The following EIF4G3 variants were observed in gnomAD, a reference collection of about 807,000 sequenced individuals.
EIF4G3 encodes the protein eukaryotic translation initiation factor 4 gamma 3.
In EIF4G3, 34 loss-of-function variants were observed where a neutral mutation model predicts 186.4. The observed-to-expected ratio is 0.18, with a 90% CI of 0.14 to 0.24. The LOEUF (loss-of-function observed/expected upper bound fraction) is 0.24, where lower values mean the gene tolerates loss of function less well. EIF4G3 is among the 10% of genes least tolerant of loss of function. The pLI, the probability that EIF4G3 is intolerant of heterozygous loss-of-function variation, is 1.00. For synonymous variants in EIF4G3, 673 were observed against 679.5 expected (o/e 0.99, Z 0.15); for missense variants, 1,536 against 1,948.5 (o/e 0.79, Z 3.99).
chr1:21,156,236 T>C (rs1269821491), intron 2 of EIF4G3, among the ~76,000 whole-genome samples: 1 of 152,114 alleles, frequency 6.6e-6, no homozygotes, highest in East Asian at 1.9e-4. Flanking sequence ...TCAGTGGGAA[T>C]CTATTCTGGA....
chr1:20,891,006 T>C (rs966777521), intron 18 of EIF4G3, among the ~76,000 whole-genome samples: 9 of 152,216 alleles, frequency 5.9e-5, no homozygotes, highest in African/African-American at 2.2e-4. Flanking sequence ...TTAAAGTTGA[T>C]CTTTTTGGAG....
intron 13 of EIF4G3, among the ~76,000 whole-genome samples, chr1:20,946,517 C>G (rs767924319): frequency 6.6e-6 from 1 of 152,134 alleles, no homozygotes; most frequent in Non-Finnish European, 1.5e-5. Flanking sequence ...GAACCTTGGC[C>G]TTCATGTAAA....
At chr1:21,123,730 A>C (rs1054841497) in intron 2 of EIF4G3, among the ~76,000 whole-genome samples, 3 of 152,184 alleles carry the variant, frequency 2.0e-5, no homozygotes, top group African/African-American at 7.2e-5. Context: ...AAACAAACTT[A>C]TCTGCAGAGT....
chr1:21,053,617 C>T (rs2094405713), intron 3 of EIF4G3, among the ~76,000 whole-genome samples: 1 of 142,754 alleles, frequency 7.0e-6, no homozygotes, highest in South Asian at 2.1e-4. Context: ...CCCGCCCGGC[C>T]ACCCGCCCCG....
intron 2 of EIF4G3, among the ~76,000 whole-genome samples, chr1:21,158,779 T>C (rs1004583735): frequency 5.9e-5 from 9 of 152,110 alleles, no homozygotes; most frequent in African/African-American, 2.2e-4. Context: ...TAGGTGTTCA[T>C]CCATGGGTTC....
chr1:20,905,827 G>T lies in EIF4G3; in HGVS notation c.1664-856C>A, dbSNP rs192826123. On this transcript the variant is annotated intron_variant, in intron 14 of 36. Coordinates refer to ENST00000602326, the MANE Select transcript of EIF4G3 (RefSeq NM_001391906.1). ...GAACAAGGAGAAGAGTTAAAGAAAG[G>T]CCACTTAATAGGGAACATTACCAAA... 1.3e-4 allele frequency among the ~76,000 whole-genome samples: 20 copies of T among 152,234 alleles called. No homozygotes were observed. The South Asian group carries it at 1.5e-3, about 11-fold the overall frequency.
intron 2 of EIF4G3, among the ~76,000 whole-genome samples, chr1:21,125,719 G>A (rs953266379): frequency 2.0e-5 from 3 of 148,470 alleles, no homozygotes; most frequent in Non-Finnish European, 3.0e-5. Context: ...ACTCTGTATC[G>A]AAAATAAATA....
intron 2 of EIF4G3, among the ~76,000 whole-genome samples, chr1:21,116,905 T>C (rs1041167224): frequency 6.6e-6 from 1 of 151,998 alleles, no homozygotes; most frequent in Admixed American, 6.6e-5. Flanking sequence ...GTTATATTAT[T>C]TTTATAATTT....
intron 3 of EIF4G3, among the ~76,000 whole-genome samples, chr1:21,053,853 T>G: frequency 7.1e-6 from 1 of 141,658 alleles, no homozygotes; most frequent in Non-Finnish European, 1.5e-5. Flanking sequence ...GGTGGGGGGG[T>G]CAGCCCCCCG....
chr1:21,027,431 C>G (rs948634302), intron 4 of EIF4G3, among the ~76,000 whole-genome samples: 1 of 151,842 alleles, frequency 6.6e-6, no homozygotes, highest in Non-Finnish European at 1.5e-5. Flanking sequence ...GAGTTCGAGA[C>G]CATCCTGGCT....
intron 12 of EIF4G3, among the ~76,000 whole-genome samples, chr1:20,954,033 A>G (rs569991251): frequency 4.6e-5 from 7 of 152,326 alleles, no homozygotes; most frequent in Admixed American, 2.6e-4. Flanking sequence ...TAGAGAAAAT[A>G]TTTGCTGACC....
At chr1:21,053,098 GCGTCTCT>G (rs1397571520) in intron 3 of EIF4G3, among the ~76,000 whole-genome samples, 1 of 151,152 alleles carries the variant, frequency 6.6e-6, no homozygotes, top group African/African-American at 2.4e-5. Flanking sequence ...AAAGTGAGGA[GCGTCTCT>G]GCCCGGCCGC....
intron 3 of EIF4G3, among the ~76,000 whole-genome samples, chr1:21,072,552 T>C (rs2095475770): frequency 6.6e-6 from 1 of 152,138 alleles, no homozygotes; most frequent in African/African-American, 2.4e-5. Context: ...TACAGGTACC[T>C]GCCACCACGC....
chr1:20,971,723 T>C (rs1287361394), intron 11 of EIF4G3, among the ~76,000 whole-genome samples: 1 of 152,188 alleles, frequency 6.6e-6, no homozygotes, highest in African/African-American at 2.4e-5. Context: ...AACCTCCCCC[T>C]CCCAGTTTCA....
intron 7 of EIF4G3, among the ~76,000 whole-genome samples, chr1:20,985,757 T>C (rs189289816): frequency 1.6e-4 from 25 of 152,336 alleles, no homozygotes; most frequent in Non-Finnish European, 3.2e-4. Context: ...CTCTCCTGAA[T>C]GGAAGGAGCC....
intron 3 of EIF4G3, among the ~76,000 whole-genome samples, chr1:21,088,088 C>T (rs1036134066): frequency 6.6e-6 from 1 of 151,006 alleles, no homozygotes; most frequent in African/African-American, 2.4e-5. Flanking sequence ...AGAGTGAGAC[C>T]CGATCTCTTA....
At chr1:21,049,872 C>T (rs553561552) in intron 4 of EIF4G3, among the ~76,000 whole-genome samples, 86 of 152,024 alleles carry the variant, frequency 5.7e-4, no homozygotes, top group African/African-American at 1.7e-3. Flanking sequence ...GCCTTGGCCA[C>T]GGAGCAAGAC....
At chr1:21,028,618 C>G (rs1328577249) in intron 4 of EIF4G3, among the ~76,000 whole-genome samples, 1 of 152,188 alleles carries the variant, frequency 6.6e-6, no homozygotes, top group Non-Finnish European at 1.5e-5. Flanking sequence ...TAAGCTTAAA[C>G]ATGTCATAAT....
intron 14 of EIF4G3, among the ~76,000 whole-genome samples, chr1:20,928,351 A>G (rs556338463): frequency 1.3e-5 from 2 of 152,270 alleles, no homozygotes; most frequent in East Asian, 3.9e-4. Context: ...TTTCTAAGCT[A>G]TAACTTCCCT....
Sources: allele counts gnomAD v4.1 joint callset (sites outside exome capture counted in the v4.1 genomes callset), GRCh38; gene constraint gnomAD v4.1.1; transcripts MANE v1.5; gene names NCBI Gene and HGNC (gene_info 2026-07-23, HGNC 2026-07-21).